SLC5A9: variants seen among roughly 807,000 people sequenced by gnomAD.
SLC5A9 encodes the protein solute carrier family 5 member 9.
A neutral mutation model predicts 70.9 loss-of-function variants in SLC5A9; 59 were observed. That is an observed-to-expected ratio of 0.83 (90% CI 0.68 to 1.03). The LOEUF (loss-of-function observed/expected upper bound fraction) is 1.03, where lower values mean the gene tolerates loss of function less well. Ranked by LOEUF, SLC5A9 falls within the 50% of genes least tolerant of loss-of-function variation. The pLI, the probability that SLC5A9 is intolerant of heterozygous loss-of-function variation, is 0.00. For synonymous variants in SLC5A9, 340 were observed against 346.5 expected (o/e 0.98, Z 0.21); for missense variants, 832 against 881.1 (o/e 0.94, Z 0.71).
intron 12 of SLC5A9, chr1:48,242,243 C>A: frequency 1.7e-6 from 1 of 573,770 alleles, no homozygotes. Flanking sequence ...CTAGCACAAG[C>A]CTGGGGTAGA....
chr1:48,246,124 G>A (rs1441094208), intron 13 of SLC5A9, among the ~76,000 whole-genome samples: 11 of 151,958 alleles, frequency 7.2e-5, no homozygotes, highest in Non-Finnish European at 1.3e-4. Context: ...TAGGCTCTCC[G>A]GGCATATGAA....
chr1:48,239,770 CA>C lies in SLC5A9; in HGVS notation c.1677+236del, dbSNP rs1423559670. On this transcript the variant is annotated intron_variant, in intron 12 of 13. Coordinates refer to ENST00000438567, the MANE Select transcript of SLC5A9 (RefSeq NM_001011547.3). The surrounding 1 kb of genome is among the most constrained non-coding windows in gnomAD (Gnocchi z 4.2). ...TGTGCTAGGCACTGTGCTGGGCTTA[CA>C]AAGATGAATGGTCCCTGCCAGAGAC... is the stretch of plus-strand genomic sequence containing the variant. Among the ~76,000 whole-genome samples, 11 of 152,180 alleles carry C rather than the reference CA, an allele frequency of 7.2e-5. No individual in the cohort carries two copies. Among genetic ancestry groups the C allele is most frequent in the Non-Finnish European group, 1.5e-4 (10 of 68,034 alleles).
At chr1:48,236,121 G>C (rs1230024172) in intron 10 of SLC5A9, among the ~76,000 whole-genome samples, 2 of 152,120 alleles carry the variant, frequency 1.3e-5, no homozygotes, top group Non-Finnish European at 2.9e-5. Flanking sequence ...TGATCAACAG[G>C]GTTGTCGAGA....
chr1:48,246,955 C>T (rs1398943059), intron 13 of SLC5A9, among the ~76,000 whole-genome samples: 3 of 152,208 alleles, frequency 2.0e-5, no homozygotes, highest in Non-Finnish European at 4.4e-5. Flanking sequence ...CAAACACTTC[C>T]TTCTTCCTGG....
At position 48,239,579 on chromosome 1, in the gene SLC5A9, C is replaced by T; in HGVS notation, c.1677+42C>T. 1 of 1,565,788 alleles carries T rather than the reference C, an allele frequency of 6.4e-7. No individual in the cohort carries two copies. The highest frequency in any genetic ancestry group is 8.8e-7 in the Non-Finnish European group (1 of 1,136,450). ...TACTGAGGCCCTCCAGAAATGCTCT[C>T]CCTTCCCCCATAGCCTAGAATTCCA... On this transcript the variant is annotated intron_variant, in intron 12 of 13. Coordinates refer to ENST00000438567, the MANE Select transcript of SLC5A9 (RefSeq NM_001011547.3). The surrounding 1 kb of genome is among the most constrained non-coding windows in gnomAD (Gnocchi z 4.2).
At chr1:48,231,476 C>T (rs1644245875) in intron 5 of SLC5A9, 69 bp from the exon 6 acceptor site, 1 of 1,591,548 alleles carries the variant, frequency 6.3e-7, no homozygotes, top group Non-Finnish European at 8.6e-7. Flanking sequence ...TGTGGCCATG[C>T]ACAGGGCAGG....
intron 2 of SLC5A9, 139 bp downstream of exon 2, chr1:48,224,934 C>T: frequency 1.2e-6 from 1 of 856,382 alleles, no homozygotes; most frequent in Non-Finnish European, 1.8e-6. Context: ...CTCTGGGCCC[C>T]TTCTCTCCCG....
intron 10 of SLC5A9, among the ~76,000 whole-genome samples, 170 bp from the exon 11 acceptor site, chr1:48,237,509 G>A (rs1243126270): frequency 3.3e-5 from 5 of 152,150 alleles, no homozygotes; most frequent in Non-Finnish European, 5.9e-5. Flanking sequence ...GGGATTTTAA[G>A]ACTAAGTTTC....
In SLC5A9 at chr1:48,223,012, T is replaced by C. The variant is rs1055948449; in HGVS notation, c.162+114T>C. 7.0e-6 allele frequency: 8 copies of C among 1,136,942 alleles called. No individual in the cohort carries two copies. The African/African-American group carries it at 1.1e-4, about 15-fold the overall frequency. 70.4% of individuals were successfully genotyped at this position (1,136,942 alleles called of 1,614,324 possible). On this transcript the variant is annotated intron_variant, in intron 1 of 13. Transcript: ENST00000438567. ...CAGAAAGAAGCAGATCATAGAACCA[T>C]GTGGCTGAGAAGGAAGGGCCTTCAG...
chr1:48,227,767 G>C (rs1395616552), intron 2 of SLC5A9: 1 of 152,322 alleles, frequency 6.6e-6, no homozygotes, highest in Non-Finnish European at 1.5e-5. Context: ...TACTGCCTTT[G>C]TCTGAATTTC....
chr1:48,239,367 C>G lies in SLC5A9; in HGVS notation c.1507C>G (p.Arg503Gly), dbSNP rs770302678. 1.2e-6 allele frequency: 2 copies of G among 1,614,010 alleles called. No individual in the cohort carries two copies. The highest frequency in any genetic ancestry group is 2.2e-5 in the South Asian group (2 of 91,058). ...GTTTGGCCTGGGAGTGGGGCTTCTG[C>G]GTATGATCCTGGAGTTCTCATACCC... is the stretch of plus-strand genomic sequence containing the variant. ...LVFGLGVGLL[R>G]MILEFSYPAP... Residue 503 changes from arginine to glycine, a missense_variant, in exon 12 of 14, where the codon CGT (arginine) becomes GGT (glycine). By Grantham distance (125) the Arg-to-Gly change is moderately radical. Coordinates refer to ENST00000438567, the MANE Select transcript of SLC5A9 (RefSeq NM_001011547.3). This position sits in a 1 kb window ranked among gnomAD's most constrained non-coding sequence, Gnocchi z 4.2.
At chr1:48,232,607 G>A (rs776414124) in intron 8 of SLC5A9, 105 bp downstream of exon 8, 16 of 1,463,894 alleles carry the variant, frequency 1.1e-5, no homozygotes, top group Non-Finnish European at 1.3e-5. Flanking sequence ...AGCAGGGGTT[G>A]GCAAGGTTTG....
chr1:48,230,425 G>A (rs1302917812), intron 4 of SLC5A9, among the ~76,000 whole-genome samples, 175 bp from the exon 5 acceptor site: 2 of 152,192 alleles, frequency 1.3e-5, no homozygotes, highest in Admixed American at 1.3e-4. Context: ...TCTCCATGGC[G>A]CCTCAGTGTC....
chr1:48,244,535 T>C (rs1644427854), intron 13 of SLC5A9, among the ~76,000 whole-genome samples: 1 of 151,446 alleles, frequency 6.6e-6, no homozygotes, highest in Non-Finnish European at 1.5e-5. Flanking sequence ...GATTCAGCAG[T>C]TAAAAGCCAA....
At chr1:48,227,502 AGAGT>A (rs1203640756) in intron 2 of SLC5A9, among the ~76,000 whole-genome samples, 4 of 109,910 alleles carry the variant, frequency 3.6e-5, no homozygotes, top group Admixed American at 9.6e-5. Flanking sequence ...TGTGTGTGTC[AGAGT>A]GTGTGTAATT....
intron 4 of SLC5A9, chr1:48,229,697 GTTCA>G: frequency 1.8e-6 from 1 of 554,018 alleles, no homozygotes; most frequent in Non-Finnish European, 3.0e-6. Flanking sequence ...ACAATCCAGA[GTTCA>G]TTCATTTATT....
rs529435075 is a variant in SLC5A9 at position 48,223,067 on chromosome 1, G to A, written c.162+169G>A. Among the ~76,000 whole-genome samples the A allele has an allele frequency of 7.1e-4, 108 of 152,206 alleles. No individual in the cohort carries two copies. In the Middle Eastern group the frequency reaches 0.017, roughly 24 times the overall value. The stretch of plus-strand genomic sequence containing the variant: ...CAGGCTCCTGATCTCCTCATTTTTA[G>A]AAGGGCAGAGAGGGGTGTGGCTGGT... On this transcript the variant is annotated intron_variant, in intron 1 of 13. Coordinates refer to ENST00000438567, the MANE Select transcript of SLC5A9 (RefSeq NM_001011547.3).
rs777793634 is a variant in SLC5A9 at position 48,247,477 on chromosome 1, T to C, written c.1980T>C (p.His660=). The C allele has an allele frequency of 6.2e-7, 1 of 1,614,208 alleles. No homozygotes were observed. The highest frequency in any genetic ancestry group is 8.5e-7 in the Non-Finnish European group (1 of 1,180,040). ...TTGAGGAGGAGCCACTCTGGAGACATGTCTGCAACATCAATGCTGTCCTTT... is the reference window on the plus strand; with the variant it reads ...TTGAGGAGGAGCCACTCTGGAGACACGTCTGCAACATCAATGCTGTCCTTT... The part of the protein sequence containing the change: ...TSIEEEPLWR[H]VCNINAVLLL... Residue 660 remains histidine, a synonymous_variant, in exon 14 of 14, where the codon CAT becomes CAC. Transcript: ENST00000438567.
intron 9 of SLC5A9, 51 bp downstream of exon 9, chr1:48,233,813 C>A: frequency 7.6e-7 from 1 of 1,322,920 alleles, no homozygotes; most frequent in Non-Finnish European, 1.1e-6. Flanking sequence ...CAGCCTCCTC[C>A]AATCTCCACT....
Sources: gnomAD v4.1 joint callset for allele counts (sites outside exome capture counted in the v4.1 genomes callset) on GRCh38, gnomAD v4.1.1 for gene constraint, Gnocchi (gnomAD v3.1) non-coding constraint, MANE v1.5 for transcripts, NCBI Gene and HGNC (gene_info 2026-07-23, HGNC 2026-07-21) for gene names.